CNNM2: variants seen among roughly 807,000 people sequenced by gnomAD.
The protein encoded by CNNM2 is cyclin and CBS domain divalent metal cation transport mediator 2, also known as metal transporter CNNM2.
CNNM2 carries 12 observed loss-of-function variants against 66.9 expected under a neutral mutation model. The ratio of observed to expected loss-of-function variants is 0.18; its 90% CI spans 0.11 to 0.29. The LOEUF is 0.29. Ranked by LOEUF, CNNM2 falls within the 10% of genes least tolerant of loss-of-function variation. The probability of loss-of-function intolerance (pLI) is 1.00; values close to 1 mark genes in which losing one functional copy is unlikely to be tolerated. For synonymous variants in CNNM2, 557 were observed against 501.8 expected (o/e 1.11, Z -1.47); for missense variants, 705 against 1,167.7 (o/e 0.60, Z 5.77).
intron 1 of CNNM2, among the ~76,000 whole-genome samples, chr10:102,953,425 T>G (rs1453055256): frequency 6.6e-6 from 1 of 151,954 alleles, no homozygotes; most frequent in Non-Finnish European, 1.5e-5. Flanking sequence ...CCTGGCTAAT[T>G]TTTTTGTATT....
chr10:102,962,202 A>G (rs2063392809), intron 1 of CNNM2, among the ~76,000 whole-genome samples: 1 of 152,210 alleles, frequency 6.6e-6, no homozygotes, highest in Non-Finnish European at 1.5e-5. Context: ...ATCAGGATAC[A>G]TAGCTAATGC....
intron 1 of CNNM2, among the ~76,000 whole-genome samples, chr10:103,044,865 A>G (rs1255807600): frequency 3.3e-5 from 5 of 152,246 alleles, no homozygotes; most frequent in Non-Finnish European, 2.9e-5. Flanking sequence ...ATTCACAGGA[A>G]TAATTTCTCC....
chr10:103,070,333 G>A (rs2065555350), intron 5 of CNNM2, among the ~76,000 whole-genome samples: 1 of 152,110 alleles, frequency 6.6e-6, no homozygotes, highest in Admixed American at 6.5e-5. Context: ...CGAGGCCCTT[G>A]GTCTCATCCT....
At chr10:102,995,020 C>G (rs1357597633) in intron 1 of CNNM2, among the ~76,000 whole-genome samples, 1 of 151,892 alleles carries the variant, frequency 6.6e-6, no homozygotes, top group Non-Finnish European at 1.5e-5. Context: ...AAAACCCTAT[C>G]CCCTATATTA....
intron 1 of CNNM2, chr10:102,927,561 ACTGACAGT>A: frequency 8.9e-7 from 1 of 1,117,566 alleles, no homozygotes; most frequent in East Asian, 2.6e-5. Flanking sequence ...GGAGTTCCAG[ACTGACAGT>A]CTGGCCACCA....
In CNNM2 at chr10:103,078,227, A is replaced by G. The variant is rs1023113517; in HGVS notation, c.*1047A>G. ...AAAACGAGTCGGACCTTCTAGCTGC[A>G]CTCTGTACTGTGTGCCGAGAAGGCA... On this transcript the variant is annotated 3_prime_UTR_variant, in exon 8 of 8. Coordinates refer to ENST00000369878, the MANE Select transcript of CNNM2 (RefSeq NM_017649.5). The G allele has an allele frequency of 6.6e-6, 1 of 152,104 alleles. No homozygotes were observed. Among genetic ancestry groups the G allele is most frequent in the African/African-American group, 2.4e-5 (1 of 41,396 alleles). 9.4% of individuals were successfully genotyped at this position (152,104 alleles called of 1,614,324 possible).
chr10:102,931,888 T>G (rs900252318), intron 1 of CNNM2, among the ~76,000 whole-genome samples: 5 of 150,746 alleles, frequency 3.3e-5, no homozygotes, highest in Non-Finnish European at 1.5e-5. Flanking sequence ...TAGTGAGAAG[T>G]GGTATCTCAT....
rs2063820883 is a variant in CNNM2 at position 102,987,578 on chromosome 10, C to A, written c.1622-62129C>A. ...CCTCGTGATCTGCCCGCCTCGGCCT[C>A]CCAAAGTGCTGGGATTACAGGCTTG... On this transcript the variant is annotated intron_variant, in intron 1 of 7. Coordinates refer to ENST00000369878, the MANE Select transcript of CNNM2 (RefSeq NM_017649.5). Among the ~76,000 whole-genome samples, 3 of 152,052 alleles carry A rather than the reference C, an allele frequency of 2.0e-5. No individual in the cohort carries two copies. In the South Asian group the frequency reaches 6.2e-4, roughly 31 times the overall value.
At chr10:103,006,820 A>C (rs1401172100) in intron 1 of CNNM2, among the ~76,000 whole-genome samples, 2 of 152,088 alleles carry the variant, frequency 1.3e-5, no homozygotes, top group South Asian at 4.2e-4. Flanking sequence ...ATTTATAGTG[A>C]TGGGGTCTCG....
At chr10:102,959,180 C>A (rs145234674) in intron 1 of CNNM2, among the ~76,000 whole-genome samples, 2 of 152,158 alleles carry the variant, frequency 1.3e-5, no homozygotes, top group East Asian at 3.9e-4. Context: ...AGCGATCACC[C>A]GCCTTAGTCT....
chr10:103,067,517 T>G (rs1289844078), intron 4 of CNNM2, among the ~76,000 whole-genome samples: 1 of 152,212 alleles, frequency 6.6e-6, no homozygotes, highest in Non-Finnish European at 1.5e-5. Context: ...ACAATTCCTT[T>G]TCAATACATG....
At chr10:102,943,804 TTA>T (rs995658318) in intron 1 of CNNM2, among the ~76,000 whole-genome samples, 3 of 152,192 alleles carry the variant, frequency 2.0e-5, no homozygotes, top group African/African-American at 7.2e-5. Context: ...ATATATGTGT[TTA>T]TGTCTGTACA....
chr10:102,943,236 CAAA>C (rs979806933), intron 1 of CNNM2, among the ~76,000 whole-genome samples: 1 of 151,448 alleles, frequency 6.6e-6, no homozygotes, highest in Non-Finnish European at 1.5e-5. Context: ...AAAAAACAAA[CAAA>C]AACCAAAAAA....
chr10:102,988,050 G>C (rs1484721383), intron 1 of CNNM2, among the ~76,000 whole-genome samples: 1 of 152,172 alleles, frequency 6.6e-6, no homozygotes, highest in African/African-American at 2.4e-5. Context: ...TGTAATCCCA[G>C]CACTTTGGGA....
intron 1 of CNNM2, chr10:102,927,439 T>C: frequency 6.2e-7 from 1 of 1,608,956 alleles, no homozygotes; most frequent in Non-Finnish European, 8.5e-7. Context: ...TTGGCAACTC[T>C]AGGATGTCTA....
In CNNM2 at chr10:103,077,272, C is replaced by T. The variant is rs758386613; in HGVS notation, c.*92C>T. On this transcript the variant is annotated 3_prime_UTR_variant, in exon 8 of 8. Transcript: ENST00000369878. ...ATGACTTCACTGGTGTGAGCTTGTC[C>T]GCCATGCTGTACCCTGCAACATCCT... 24 of 1,170,454 alleles carry T rather than the reference C, an allele frequency of 2.1e-5. No individual in the cohort carries two copies. Among genetic ancestry groups the T allele is most frequent in the East Asian group, 1.7e-4 (7 of 41,650 alleles). 72.5% of individuals were successfully genotyped at this position (1,170,454 alleles called of 1,614,324 possible).
chr10:102,971,229 A>G (rs2063542127), intron 1 of CNNM2, among the ~76,000 whole-genome samples: 1 of 146,106 alleles, frequency 6.8e-6, no homozygotes, highest in Admixed American at 6.9e-5. Flanking sequence ...CACTATGGTG[A>G]CTTAGAGACC....
rs147088675 is a variant in CNNM2, at chr10:102,977,579, G to A, written c.1621+57478G>A. On this transcript the variant is annotated intron_variant, in intron 1 of 7. Transcript: ENST00000369878. Reference sequence around the variant, plus strand: ...CTCATGCCTATAATCCCAGCACTTTGGGAGGCCAAGGTGGGTGGATCACCT... The same window carrying A: ...CTCATGCCTATAATCCCAGCACTTTAGGAGGCCAAGGTGGGTGGATCACCT... 3.6e-3 allele frequency among the ~76,000 whole-genome samples: 552 copies of A among 152,238 alleles called. 5 individuals are homozygous for A. Among genetic ancestry groups the A allele is most frequent in the African/African-American group, 0.013 (538 of 41,558 alleles).
chr10:103,052,288 A>C (rs1366421296), intron 2 of CNNM2, among the ~76,000 whole-genome samples: 3 of 150,296 alleles, frequency 2.0e-5, no homozygotes, highest in Admixed American at 6.6e-5. Context: ...TCAAAAAAAA[A>C]AACAAAAAAA....
Sources: gnomAD v4.1 joint callset for allele counts (sites outside exome capture counted in the v4.1 genomes callset) on GRCh38, gnomAD v4.1.1 for gene constraint, MANE v1.5 for transcripts, NCBI Gene and HGNC (gene_info 2026-07-23, HGNC 2026-07-21) for gene names.